SEMA3A: variants seen among roughly 807,000 people sequenced by gnomAD.
SEMA3A encodes semaphorin 3A.
SEMA3A carries 29 observed loss-of-function variants against 97.9 expected under a neutral mutation model. The ratio of observed to expected loss-of-function variants is 0.30; its 90% CI spans 0.22 to 0.40. The LOEUF (loss-of-function observed/expected upper bound fraction) is 0.40, where lower values mean the gene tolerates loss of function less well. Ranked by LOEUF, SEMA3A falls within the 10% of genes least tolerant of loss-of-function variation. The pLI is 1.00. For synonymous variants in SEMA3A, 321 were observed against 323.7 expected, an observed-to-expected ratio of 0.99 and a Z score of 0.09; for missense variants, 763 against 951.3, an observed-to-expected ratio of 0.80 and a Z score of 2.60.
intron 2 of SEMA3A, among the ~76,000 whole-genome samples, chr7:84,348,236 T>G (rs1380296926): frequency 6.6e-6 from 1 of 152,156 alleles, no homozygotes; most frequent in African/African-American, 2.4e-5. Context: ...TAAATAACAT[T>G]TATAGGATTT....
At chr7:84,222,244 C>T (rs1798898839) in intron 3 of SEMA3A, among the ~76,000 whole-genome samples, 1 of 151,822 alleles carries the variant, frequency 6.6e-6, no homozygotes, top group Admixed American at 6.6e-5. Flanking sequence ...AGTTTTATAT[C>T]TGTGACACTG....
chr7:83,991,401 T>G (rs903301137), intron 12 of SEMA3A, among the ~76,000 whole-genome samples: 1 of 151,616 alleles, frequency 6.6e-6, no homozygotes, highest in Admixed American at 6.6e-5. Flanking sequence ...TTGTGCCAGT[T>G]TTCAAAGGGA....
At chr7:84,473,914 C>T (rs1806215488) in intron 1 of SEMA3A, among the ~76,000 whole-genome samples, 1 of 152,020 alleles carries the variant, frequency 6.6e-6, no homozygotes, top group East Asian at 1.9e-4. Context: ...TTTTCCATAC[C>T]TTTATTGAGC....
At chr7:84,392,048 T>C (rs1803594491) in intron 1 of SEMA3A, among the ~76,000 whole-genome samples, 1 of 152,098 alleles carries the variant, frequency 6.6e-6, no homozygotes, top group South Asian at 2.1e-4. Flanking sequence ...AATGTGGCAT[T>C]ATTAAATCAA....
intron 1 of SEMA3A, among the ~76,000 whole-genome samples, chr7:84,491,283 A>G (rs548063173): frequency 2.0e-5 from 3 of 152,274 alleles, no homozygotes; most frequent in Admixed American, 2.0e-4. Context: ...ACATATGTGC[A>G]TTGCCTTTTG....
At chr7:83,966,159 G>C (rs1225779582) in intron 15 of SEMA3A, among the ~76,000 whole-genome samples, 2 of 151,854 alleles carry the variant, frequency 1.3e-5, no homozygotes, top group East Asian at 3.9e-4. Flanking sequence ...CAATGTACCA[G>C]AAAACATGTA....
At chr7:84,309,489 A>C (rs577558060) in intron 2 of SEMA3A, among the ~76,000 whole-genome samples, 14 of 152,284 alleles carry the variant, frequency 9.2e-5, no homozygotes, top group Middle Eastern at 6.8e-3. Context: ...GTGTCCACTT[A>C]ACTCTTGATG....
At chr7:84,001,908 A>G (rs1480294950) in intron 12 of SEMA3A, 47 bp downstream of exon 12, 2 of 1,301,870 alleles carry the variant, frequency 1.5e-6, no homozygotes, top group Admixed American at 1.7e-5. Flanking sequence ...CCTGGGGGAA[A>G]GACGTACAAC....
Position 83,956,368 on chromosome 7 carries a change from G to C in SEMA3A, c.*5003C>G, listed in dbSNP as rs1788277497. 2 of 152,184 alleles carry C rather than the reference G, an allele frequency of 1.3e-5. No homozygotes were observed. The highest frequency in any genetic ancestry group is 2.9e-5 in the Non-Finnish European group (2 of 68,040). 9.4% of individuals were successfully genotyped at this position (152,184 alleles called of 1,614,324 possible). A position where few individuals can be genotyped will look rare whatever the true frequency, so the allele number is the denominator to read the frequency against. Reference sequence around the variant, plus strand: ...GAACTGAGAGCATAGGGGAGTGTCTGATGAAGTTAGCTTCCTCTAAATATT... The same window carrying C: ...GAACTGAGAGCATAGGGGAGTGTCTCATGAAGTTAGCTTCCTCTAAATATT... On this transcript the variant is annotated 3_prime_UTR_variant, in exon 17 of 17. Coordinates refer to ENST00000265362, the MANE Select transcript of SEMA3A (RefSeq NM_006080.3).
intron 6 of SEMA3A, among the ~76,000 whole-genome samples, chr7:84,018,783 G>A (rs1791201818): frequency 6.6e-6 from 1 of 152,130 alleles, no homozygotes; most frequent in African/African-American, 2.4e-5. Context: ...GAATATGCAG[G>A]AAGTCATGTT....
intron 1 of SEMA3A, among the ~76,000 whole-genome samples, chr7:84,477,187 C>A: frequency 6.7e-6 from 1 of 149,536 alleles, no homozygotes; most frequent in African/African-American, 2.4e-5. Flanking sequence ...ACCTGTAATC[C>A]CAGCACTTTG....
At chr7:84,064,073 A>G (rs1334800209) in intron 4 of SEMA3A, among the ~76,000 whole-genome samples, 3 of 152,224 alleles carry the variant, frequency 2.0e-5, no homozygotes, top group Non-Finnish European at 4.4e-5. Context: ...CTGATCGCTC[A>G]GCAGAAACCC....
chr7:84,049,474 A>T (rs1792501298), intron 5 of SEMA3A, among the ~76,000 whole-genome samples: 1 of 152,120 alleles, frequency 6.6e-6, no homozygotes, highest in Admixed American at 6.5e-5. Flanking sequence ...ATTTCTCATT[A>T]AGTAGAAATG....
chr7:84,213,357 C>A (rs534829123), intron 3 of SEMA3A, among the ~76,000 whole-genome samples: 2 of 152,152 alleles, frequency 1.3e-5, no homozygotes, highest in East Asian at 3.9e-4. Flanking sequence ...TAGCTCACTG[C>A]AGCCTCAGAC....
rs78491536 is a variant in SEMA3A at position 84,373,408 on chromosome 7, C to T, written c.-245-1508G>A. Among the ~76,000 whole-genome samples the T allele has an allele frequency of 8.9e-3, 1,361 of 152,158 alleles. 24 individuals are homozygous for T. The highest frequency in any genetic ancestry group is 0.031 in the African/African-American group (1,278 of 41,504). On this transcript the variant is annotated intron_variant, in intron 1 of 3. Coordinates refer to the SEMA3A transcript ENST00000424555. ...AACTAGGCATCTCTTAGGAAATGTC[C>T]GCAGTCATTATTAACAAAAAGCAAA...
intron 11 of SEMA3A, 105 bp from the exon 12 acceptor site, chr7:84,002,151 G>GGTC: frequency 1.6e-6 from 1 of 612,578 alleles, no homozygotes; most frequent in East Asian, 3.0e-5. Context: ...CTTTGATATC[G>GGTC]GTCTTCCTTT....
At chr7:84,072,158 T>C (rs954863003) in intron 4 of SEMA3A, among the ~76,000 whole-genome samples, 1 of 152,076 alleles carries the variant, frequency 6.6e-6, no homozygotes, top group Non-Finnish European at 1.5e-5. Flanking sequence ...TTATAAAAGA[T>C]TAAAAAATAA....
intron 3 of SEMA3A, among the ~76,000 whole-genome samples, chr7:84,264,224 A>G (rs1327921530): frequency 6.6e-6 from 1 of 152,198 alleles, no homozygotes; most frequent in Non-Finnish European, 1.5e-5. Context: ...CATAGATGGA[A>G]TACTTTAGAA....
chr7:84,092,332 T>C (rs1177326363), intron 4 of SEMA3A, among the ~76,000 whole-genome samples: 2 of 152,162 alleles, frequency 1.3e-5, no homozygotes, highest in South Asian at 2.1e-4. Context: ...TCAGTGATTA[T>C]CTTTTGAATG....
Sources: allele counts gnomAD v4.1 joint callset (sites outside exome capture counted in the v4.1 genomes callset), GRCh38; gene constraint gnomAD v4.1.1; transcripts MANE v1.5; gene names NCBI Gene and HGNC (gene_info 2026-07-23, HGNC 2026-07-21).